Variants in USP47 observed in about 807,000 individuals in gnomAD.
USP47 encodes the protein ubiquitin specific peptidase 47, also known as ubiquitin carboxyl-terminal hydrolase 47.
In USP47, 35 loss-of-function variants were observed where a neutral mutation model predicts 165.1. The observed-to-expected ratio is 0.21, with a 90% CI of 0.16 to 0.28. The LOEUF (loss-of-function observed/expected upper bound fraction) is 0.28. USP47 is among the 10% of genes least tolerant of loss of function. The probability of loss-of-function intolerance (pLI) is 1.00; values close to 1 mark genes in which losing one functional copy is unlikely to be tolerated. For missense variants in USP47, 1,277 were observed against 1,607.4 expected (o/e 0.79, Z 3.52); for synonymous variants, 531 against 544.5 (o/e 0.98, Z 0.35).
chr11:11,887,312 G>C (rs1039829340), intron 3 of USP47, among the ~76,000 whole-genome samples: 1 of 152,142 alleles, frequency 6.6e-6, no homozygotes, highest in Non-Finnish European at 1.5e-5. Flanking sequence ...AGACTCATCA[G>C]TATGCTGTCT....
chr11:11,945,617 A>G (rs564524210), intron 20 of USP47, among the ~76,000 whole-genome samples: 1 of 151,270 alleles, frequency 6.6e-6, no homozygotes, highest in African/African-American at 2.5e-5. Context: ...ATTTCTCCGT[A>G]CAATTTTGGT....
In USP47 at chr11:11,859,659, A is replaced by T. The variant is rs140591346; in HGVS notation, c.39+17435A>T. On this transcript the variant is annotated intron_variant, in intron 1 of 27. Transcript: ENST00000527733. ...TTGAAAATTTAAATATTGAAATTTT[A>T]GTATATAAATTTCATTATGTACAAG... is the stretch of plus-strand genomic sequence containing the variant. 7.1e-3 allele frequency among the ~76,000 whole-genome samples: 1,088 copies of T among 152,332 alleles called. 12 individuals carry two copies. The highest frequency in any genetic ancestry group is 0.02 in the Middle Eastern group (6 of 294).
chr11:11,849,492 A>C (rs1848610423), intron 1 of USP47, among the ~76,000 whole-genome samples: 1 of 152,194 alleles, frequency 6.6e-6, no homozygotes, highest in Non-Finnish European at 1.5e-5. Flanking sequence ...AAGAATTAGA[A>C]GGCCCACAAT....
chr11:11,942,203 C>A, intron 19 of USP47, 132 bp from the exon 20 acceptor site: 1 of 1,078,350 alleles, frequency 9.3e-7, no homozygotes, highest in Non-Finnish European at 1.3e-6. Flanking sequence ...CAATAGAGTC[C>A]TTCAGAAACT....
chr11:11,936,131 G>C (rs1386351356), intron 16 of USP47, among the ~76,000 whole-genome samples, 172 bp from the exon 17 acceptor site: 1 of 151,552 alleles, frequency 6.6e-6, no homozygotes, highest in East Asian at 1.9e-4. Context: ...TAACATTTAA[G>C]TTGTGCCTGT....
At chr11:11,873,915 T>A (rs1409111706) in intron 1 of USP47, 1 of 1,056,038 alleles carries the variant, frequency 9.5e-7, no homozygotes, top group African/African-American at 1.6e-5. Flanking sequence ...AGTAACAGCA[T>A]GTTAGTATTT....
chr11:11,907,309 A>G (rs1852636706), intron 8 of USP47, among the ~76,000 whole-genome samples: 1 of 152,164 alleles, frequency 6.6e-6, no homozygotes, highest in Non-Finnish European at 1.5e-5. Context: ...TGCAGCTATG[A>G]AGCAGTATGT....
At chr11:11,940,844 A>G (rs1302478850) in intron 19 of USP47, among the ~76,000 whole-genome samples, 2 of 147,674 alleles carry the variant, frequency 1.4e-5, no homozygotes, top group Non-Finnish European at 1.5e-5. Context: ...GATTAGTCCT[A>G]CCTCTTTGGT....
At chr11:11,937,465 C>G (rs1855152975) in intron 17 of USP47, among the ~76,000 whole-genome samples, 1 of 151,640 alleles carries the variant, frequency 6.6e-6, no homozygotes, top group Non-Finnish European at 1.5e-5. Flanking sequence ...TTCAAGGAGT[C>G]TACGGCTCTT....
At chr11:11,912,254 C>G (rs1202546120) in intron 8 of USP47, among the ~76,000 whole-genome samples, 1 of 151,668 alleles carries the variant, frequency 6.6e-6, no homozygotes, top group Non-Finnish European at 1.5e-5. Context: ...CATGAGAAAA[C>G]AGTAGAGGAA....
chr11:11,866,594 A>G (rs1477073897), intron 1 of USP47, among the ~76,000 whole-genome samples: 1 of 152,152 alleles, frequency 6.6e-6, no homozygotes, highest in African/African-American at 2.4e-5. Context: ...CTAGGTGGCT[A>G]GGTCAGGATT....
At chr11:11,858,562 T>C (rs1403281969) in intron 1 of USP47, among the ~76,000 whole-genome samples, 1 of 152,212 alleles carries the variant, frequency 6.6e-6, no homozygotes, top group Non-Finnish European at 1.5e-5. Context: ...TGTCGTCTCT[T>C]GTAATCAGTT....
chr11:11,845,651 A>G (rs1266057813), intron 1 of USP47, among the ~76,000 whole-genome samples: 1 of 152,172 alleles, frequency 6.6e-6, no homozygotes, highest in East Asian at 1.9e-4. Flanking sequence ...TGGAGCAGAT[A>G]TTCAGTAAAT....
At chr11:11,910,445 A>G (rs1367322015) in intron 8 of USP47, among the ~76,000 whole-genome samples, 2 of 152,102 alleles carry the variant, frequency 1.3e-5, no homozygotes, top group Non-Finnish European at 2.9e-5. Flanking sequence ...CTGTGCTCTA[A>G]CCAAACACCA....
At chr11:11,897,727 G>T in intron 5 of USP47, 34 bp downstream of exon 5, 2 of 1,420,820 alleles carry the variant, frequency 1.4e-6, no homozygotes, top group African/African-American at 1.4e-5. Flanking sequence ...ACATAAAATT[G>T]ATTTAAGAAT....
intron 8 of USP47, among the ~76,000 whole-genome samples, chr11:11,911,039 C>T (rs1309453327): frequency 6.6e-6 from 1 of 151,862 alleles, no homozygotes; most frequent in Non-Finnish European, 1.5e-5. Context: ...GTTAGAGATA[C>T]AAAGAAATGA....
chr11:11,918,595 G>C (rs1402292338), intron 8 of USP47, among the ~76,000 whole-genome samples: 1 of 152,042 alleles, frequency 6.6e-6, no homozygotes, highest in Non-Finnish European at 1.5e-5. Context: ...TGTTGGGTTG[G>C]GCGAGGGAAA....
chr11:11,955,039 A>C lies in USP47; in HGVS notation c.3768A>C (p.Arg1256Ser). ...TTCATTCTTTTTCTTTTTAGGGTAG[A>C]GGAACATTTCCCTGTGATATTTCTG... The part of the protein sequence containing the change: ...PLDDIEFAKG[R>S]GTFPCDISVL... Residue 1256 changes from arginine (R) to serine (S), a missense_variant, in exon 27 of 28, where the codon AGA (arginine) becomes AGC (serine). Physicochemically the swap from Arg to Ser is moderately radical, Grantham distance 110 (BLOSUM62 -1). Transcript: ENST00000527733. 6.2e-7 allele frequency: 1 copy of C among 1,613,664 alleles called. No homozygotes were observed. Among genetic ancestry groups the C allele is most frequent in the Non-Finnish European group, 8.5e-7 (1 of 1,179,846 alleles).
At chr11:11,902,380 T>A (rs1852285833) in intron 5 of USP47, among the ~76,000 whole-genome samples, 1 of 152,212 alleles carries the variant, frequency 6.6e-6, no homozygotes, top group Non-Finnish European at 1.5e-5. Flanking sequence ...GTAATAGTAT[T>A]CTTCTGTTTC....
Sources: gnomAD v4.1 joint callset for allele counts (sites outside exome capture counted in the v4.1 genomes callset) on GRCh38, gnomAD v4.1.1 for gene constraint, MANE v1.5 for transcripts, NCBI Gene and HGNC (gene_info 2026-07-23, HGNC 2026-07-21) for gene names.